Variants in NARS2 observed in about 807,000 individuals in gnomAD.
The protein encoded by NARS2 is asparaginyl-tRNA synthetase 2, mitochondrial, also known as asparaginyl-tRNA synthetase.
NARS2 carries 60 observed loss-of-function variants against 62.9 expected under a neutral mutation model. The observed-to-expected ratio is 0.95, with a 90% CI of 0.77 to 1.18. The LOEUF (loss-of-function observed/expected upper bound fraction) is 1.18. Ranked by LOEUF, NARS2 falls within the 50% of genes most tolerant of loss-of-function variation. The pLI is 0.00. For missense variants in NARS2, 619 were observed against 576.4 expected (o/e 1.07, Z -0.76); for synonymous variants, 196 against 200.0 (o/e 0.98, Z 0.17).
rs115976778 is a variant in NARS2 at position 78,516,450 on chromosome 11, G to T, written c.689+12392C>A. Among the ~76,000 whole-genome samples, 877 of 152,294 alleles carry T rather than the reference G, an allele frequency of 5.8e-3. 6 individuals are homozygous for T. The highest frequency in any genetic ancestry group is 0.02 in the African/African-American group (828 of 41,552). On this transcript the variant is annotated intron_variant, in intron 6 of 13. Transcript: ENST00000281038. ...AGGTTACTTCTAAATTCAATTTGACGTAGACAAGGCAAAATTTTCTTGACA... is the reference window on the plus strand; with the variant it reads ...AGGTTACTTCTAAATTCAATTTGACTTAGACAAGGCAAAATTTTCTTGACA...
At chr11:78,460,820 G>A (rs963835966) in intron 11 of NARS2, among the ~76,000 whole-genome samples, 1 of 152,156 alleles carries the variant, frequency 6.6e-6, no homozygotes, top group Non-Finnish European at 1.5e-5. Flanking sequence ...CAGAGGTTCT[G>A]CATTTGTGGA....
chr11:78,540,432 G>A (rs550589992), intron 5 of NARS2, among the ~76,000 whole-genome samples: 93 of 152,316 alleles, frequency 6.1e-4, no homozygotes, highest in African/African-American at 2.2e-3. Flanking sequence ...CAAGGAGCGA[G>A]AGTAAATAGC....
chr11:78,560,353 T>A (rs1263230684), intron 4 of NARS2, among the ~76,000 whole-genome samples: 2 of 152,224 alleles, frequency 1.3e-5, no homozygotes, highest in Admixed American at 1.3e-4. Flanking sequence ...TCTGAGACTA[T>A]TTCCATTAGT....
intron 6 of NARS2, among the ~76,000 whole-genome samples, chr11:78,495,212 T>TTCCCACACATCCTTTTA (rs1474233073): frequency 1.3e-5 from 2 of 152,190 alleles, no homozygotes; most frequent in Admixed American, 1.3e-4. Context: ...ACTCAGTTCT[T>TTCCCACACATCCTTTTA]TCCCACACAT....
intron 11 of NARS2, among the ~76,000 whole-genome samples, chr11:78,448,824 T>G (rs909723543): frequency 6.6e-6 from 1 of 152,204 alleles, no homozygotes; most frequent in African/African-American, 2.4e-5. Context: ...AAATGAGAGA[T>G]GTACTTGTTG....
intron 5 of NARS2, among the ~76,000 whole-genome samples, chr11:78,553,535 C>G (rs1419000649): frequency 1.3e-5 from 2 of 152,088 alleles, no homozygotes; most frequent in African/African-American, 4.8e-5. Context: ...GTGATCCATC[C>G]AACTCGGCCT....
At chr11:78,563,846 A>AT (rs1856640673) in intron 4 of NARS2, among the ~76,000 whole-genome samples, 5 of 62,490 alleles carry the variant, frequency 8.0e-5, no homozygotes, top group African/African-American at 3.6e-4. Context: ...AAAAAAAAAA[A>AT]AAAAAATATA....
chr11:78,570,593 T>A (rs896320696), intron 2 of NARS2, among the ~76,000 whole-genome samples: 1 of 152,202 alleles, frequency 6.6e-6, no homozygotes, highest in Non-Finnish European at 1.5e-5. Flanking sequence ...TTAATATATC[T>A]AGACTGGTCT....
intron 11 of NARS2, among the ~76,000 whole-genome samples, chr11:78,450,760 C>T (rs1284692946): frequency 6.6e-6 from 1 of 150,954 alleles, no homozygotes; most frequent in Admixed American, 6.6e-5. Flanking sequence ...CTGCAACCTC[C>T]GCTTCTCAGG....
chr11:78,527,962 T>TAGC (rs1266601626), intron 6 of NARS2, among the ~76,000 whole-genome samples: 4 of 152,166 alleles, frequency 2.6e-5, no homozygotes, highest in East Asian at 3.9e-4. Flanking sequence ...TTTTAAAAAT[T>TAGC]AGCTAAGTGT....
At chr11:78,502,190 T>C (rs1346323587) in intron 6 of NARS2, among the ~76,000 whole-genome samples, 2 of 152,164 alleles carry the variant, frequency 1.3e-5, no homozygotes, top group African/African-American at 4.8e-5. Flanking sequence ...GAGTACACTA[T>C]TTTACATGAG....
chr11:78,571,128 G>A (rs1257148116), intron 2 of NARS2, among the ~76,000 whole-genome samples: 3 of 152,132 alleles, frequency 2.0e-5, no homozygotes, highest in Non-Finnish European at 4.4e-5. Context: ...GGGGATATCA[G>A]CATGTGACAA....
chr11:78,529,487 T>C (rs1227173638), intron 5 of NARS2, among the ~76,000 whole-genome samples: 1 of 152,198 alleles, frequency 6.6e-6, no homozygotes, highest in Non-Finnish European at 1.5e-5. Flanking sequence ...CTTTAAAAGA[T>C]ACACTGAGCA....
chr11:78,511,249 T>A (rs1211589229), intron 6 of NARS2, among the ~76,000 whole-genome samples: 1 of 152,196 alleles, frequency 6.6e-6, no homozygotes, highest in Non-Finnish European at 1.5e-5. Context: ...AGCTAATTTT[T>A]AAAATATTTT....
chr11:78,528,901 G>C lies in NARS2; in HGVS notation c.630C>G (p.Phe210Leu), dbSNP rs1462126422. 3.1e-6 allele frequency: 5 copies of C among 1,612,840 alleles called. No homozygotes were observed. Among genetic ancestry groups the C allele is most frequent in the Non-Finnish European group, 3.4e-6 (4 of 1,179,432 alleles). Residue 210 changes from phenylalanine to leucine, a missense_variant, in exon 6 of 14, where the codon TTC (phenylalanine) becomes TTG (leucine). Transcript: ENST00000281038. ...SGKLKVPEEN[F>L]FNVPAFLTVS... ...CAGTTAAGAAAGCAGGAACATTGAA[G>C]AAATTCTCCTCAGGTACCTTAAGTT...
In NARS2 at chr11:78,574,691, A is replaced by C; in HGVS notation, c.-203T>G. On this transcript the variant is annotated 5_prime_UTR_variant, in exon 1 of 14. Transcript: ENST00000281038. ...GAACCTCTCCGCTTCCCACTTCCCAACGGGGCGGAATGGACAGGACACTAG... is the reference window on the plus strand; with the variant it reads ...GAACCTCTCCGCTTCCCACTTCCCACCGGGGCGGAATGGACAGGACACTAG... 1 of 600,510 alleles carries C rather than the reference A, an allele frequency of 1.7e-6. No homozygotes were observed. The allele number at this position is 600,510 out of a possible 1,614,324, so 37.2% of individuals were successfully genotyped here.
intron 5 of NARS2, among the ~76,000 whole-genome samples, chr11:78,531,840 G>A (rs1429844187): frequency 2.6e-5 from 4 of 152,116 alleles, no homozygotes; most frequent in Non-Finnish European, 5.9e-5. Flanking sequence ...TAAATCCATA[G>A]AGACAGATGG....
chr11:78,480,467 C>T (rs1859301120), intron 7 of NARS2, among the ~76,000 whole-genome samples: 2 of 152,002 alleles, frequency 1.3e-5, no homozygotes, highest in South Asian at 2.1e-4. Flanking sequence ...GTTGGCCAGG[C>T]TGGTCTTGAA....
chr11:78,475,110 T>C (rs773913799), intron 9 of NARS2, among the ~76,000 whole-genome samples: 1 of 145,344 alleles, frequency 6.9e-6, no homozygotes, highest in Non-Finnish European at 1.5e-5. Flanking sequence ...TAACTACCAT[T>C]CTACTCACTA....
Sources: gnomAD v4.1 joint callset for allele counts (sites outside exome capture counted in the v4.1 genomes callset) on GRCh38, gnomAD v4.1.1 for gene constraint, MANE v1.5 for transcripts, NCBI Gene and HGNC (gene_info 2026-07-23, HGNC 2026-07-21) for gene names.